ANKRD11: variants seen among roughly 807,000 people sequenced by gnomAD.
ANKRD11 encodes ankyrin repeat domain-containing protein 11.
ANKRD11 carries 17 observed loss-of-function variants against 195.7 expected under a neutral mutation model. The ratio of observed to expected loss-of-function variants is 0.09; its 90% CI spans 0.06 to 0.13. The LOEUF (loss-of-function observed/expected upper bound fraction) is 0.13. ANKRD11 is among the 10% of genes least tolerant of loss of function. The probability of loss-of-function intolerance (pLI) is 1.00; values close to 1 mark genes in which losing one functional copy is unlikely to be tolerated. For synonymous variants in ANKRD11, 1,953 were observed against 1,528.1 expected (o/e 1.28, Z -6.49); for missense variants, 3,735 against 3,566.1 (o/e 1.05, Z -1.21).
rs76146550 is a variant in ANKRD11, at chr16:89,439,053, CA to C, written c.-144-20686del. Reference sequence around the variant, plus strand: ...ACCTTTCTCTTAAAAAAAACAAAACCAAAAAAAAAAAAGAACTGTATTCTTC... The same window carrying C: ...ACCTTTCTCTTAAAAAAAACAAAACCAAAAAAAAAAAGAACTGTATTCTTC... On this transcript the variant is annotated intron_variant, in intron 1 of 12. Transcript: ENST00000301030. Among the ~76,000 whole-genome samples, 848 of 137,710 alleles carry C rather than the reference CA, an allele frequency of 6.2e-3. 4 individuals are homozygous for C. Among genetic ancestry groups the C allele is most frequent in the African/African-American group, 0.015 (584 of 37,876 alleles). 90.3% of individuals were successfully genotyped at this position (137,710 alleles called of 152,430 possible). A position where few individuals can be genotyped will look rare whatever the true frequency, so the allele number is the denominator to read the frequency against.
chr16:89,356,791 A>AG (rs1597771487), intron 2 of ANKRD11, among the ~76,000 whole-genome samples: 5 of 150,730 alleles, frequency 3.3e-5, no homozygotes. Context: ...AAAAAAAAAA[A>AG]AAAAGAAAAA....
chr16:89,388,749 G>A (rs2041042596), intron 2 of ANKRD11, among the ~76,000 whole-genome samples: 1 of 152,166 alleles, frequency 6.6e-6, no homozygotes, highest in South Asian at 2.1e-4. Flanking sequence ...ACACAGGTCT[G>A]GAATGGTGCC....
chr16:89,278,184 CT>C, intron 9 of ANKRD11: 2 of 308,758 alleles, frequency 6.5e-6, no homozygotes, highest in Non-Finnish European at 6.3e-6. Flanking sequence ...TGGATGGACC[CT>C]GGGGGGCCTG....
chr16:89,292,722 CAT>C (rs2035143266), intron 4 of ANKRD11, among the ~76,000 whole-genome samples: 1 of 152,248 alleles, frequency 6.6e-6, no homozygotes, highest in Non-Finnish European at 1.5e-5. Context: ...CCCAGCCCCT[CAT>C]AGAACCTGGC....
intron 12 of ANKRD11, chr16:89,270,113 C>T (rs2033005226): frequency 6.3e-6 from 1 of 159,506 alleles, no homozygotes; most frequent in East Asian, 1.9e-4. Context: ...CAGCACAAGC[C>T]CCCAGGGGCC....
intron 2 of ANKRD11, among the ~76,000 whole-genome samples, chr16:89,389,994 G>A (rs1235605472): frequency 2.5e-5 from 2 of 81,568 alleles, no homozygotes; most frequent in South Asian, 5.3e-4. Flanking sequence ...GGGGAGCACC[G>A]AGAGAGAAGA....
intron 1 of ANKRD11, among the ~76,000 whole-genome samples, chr16:89,440,032 G>T (rs2965940): frequency 0.51 from 77,129 of 151,988 alleles, 19,678 homozygotes; most frequent in Middle Eastern, 0.65. Context: ...TTATGAGGAA[G>T]CTGACAAAGA....
At chr16:89,432,861 G>A (rs957826392) in intron 1 of ANKRD11, among the ~76,000 whole-genome samples, 1 of 151,856 alleles carries the variant, frequency 6.6e-6, no homozygotes, top group Admixed American at 6.6e-5. Context: ...CTCTACTCAG[G>A]AGAATCACTT....
At position 89,274,212 on chromosome 16, in the gene ANKRD11, G is replaced by A. The variant is rs758960503; in HGVS notation, c.7713+602C>T. 7.9e-5 allele frequency among the ~76,000 whole-genome samples: 12 copies of A among 152,320 alleles called. No homozygotes were observed. The East Asian group carries it at 1.9e-3, about 24-fold the overall frequency. On this transcript the variant is annotated intron_variant, in intron 11 of 12. Transcript: ENST00000301030. ...GCCGCCCACATCCTATGTCCCAGTG[G>A]ACAGAGCAGGTCAAAGGCACGGGAG...
intron 1 of ANKRD11, among the ~76,000 whole-genome samples, chr16:89,443,115 C>T (rs2043602057): frequency 6.6e-6 from 1 of 152,186 alleles, no homozygotes; most frequent in African/African-American, 2.4e-5. Context: ...GCCTCAGCCC[C>T]CGTGTAGCTC....
chr16:89,440,370 G>C (rs906665087), intron 1 of ANKRD11, among the ~76,000 whole-genome samples: 1 of 152,230 alleles, frequency 6.6e-6, no homozygotes, highest in East Asian at 1.9e-4. Context: ...AACTCTGGAA[G>C]GCTGAGGGGG....
At chr16:89,421,588 G>C (rs2042509920) in intron 1 of ANKRD11, among the ~76,000 whole-genome samples, 1 of 96,604 alleles carries the variant, frequency 1.0e-5, no homozygotes, top group South Asian at 4.3e-4. Context: ...CGAAGGGTCG[G>C]TGTGTGATGA....
chr16:89,288,466 A>G, intron 7 of ANKRD11, 62 bp downstream of exon 7: 1 of 1,612,782 alleles, frequency 6.2e-7, no homozygotes, highest in Non-Finnish European at 8.5e-7. Flanking sequence ...GGGGAAACAA[A>G]GCTACAGAAC....
intron 3 of ANKRD11, among the ~76,000 whole-genome samples, chr16:89,308,790 G>T (rs990085294): frequency 1.3e-5 from 2 of 152,214 alleles, no homozygotes; most frequent in Non-Finnish European, 2.9e-5. Flanking sequence ...ACCGCAGGGG[G>T]TGCGCGCCGT....
chr16:89,337,007 CAAAAAAAAAAAAAAAAAA>C (rs60248736), intron 2 of ANKRD11, among the ~76,000 whole-genome samples: 1 of 47,730 alleles, frequency 2.1e-5, no homozygotes, highest in Non-Finnish European at 3.7e-5. Context: ...CTGGCTCTAC[CAAAAAAAAAAAAAAAAAA>C]AAAAAAAAAA....
chr16:89,311,309 T>C (rs1255241218), intron 3 of ANKRD11, among the ~76,000 whole-genome samples: 4 of 152,232 alleles, frequency 2.6e-5, no homozygotes, highest in Admixed American at 2.6e-4. Flanking sequence ...TTTTTAAAAT[T>C]TGTATGTTTG....
At chr16:89,389,258 C>G (rs1597246213) in intron 2 of ANKRD11, among the ~76,000 whole-genome samples, 1 of 151,990 alleles carries the variant, frequency 6.6e-6, no homozygotes, top group East Asian at 1.9e-4. Flanking sequence ...CTCCTGGGCT[C>G]AAGCAATCTT....
At chr16:89,358,328 C>T (rs1043018770) in intron 2 of ANKRD11, among the ~76,000 whole-genome samples, 1 of 152,236 alleles carries the variant, frequency 6.6e-6, no homozygotes, top group Non-Finnish European at 1.5e-5. Flanking sequence ...TGCATATTCA[C>T]GGGAGTGAAC....
intron 3 of ANKRD11, among the ~76,000 whole-genome samples, chr16:89,311,852 T>TG (rs2036624157): frequency 6.6e-6 from 1 of 152,178 alleles, no homozygotes; most frequent in South Asian, 2.1e-4. Flanking sequence ...GGGAAGTTTT[T>TG]GCTTTATTCT....
Sources: allele counts gnomAD v4.1 joint callset (sites outside exome capture counted in the v4.1 genomes callset), GRCh38; gene constraint gnomAD v4.1.1; transcripts MANE v1.5; gene names NCBI Gene and HGNC (gene_info 2026-07-23, HGNC 2026-07-21).